Variants in WIPF2 observed in about 807,000 individuals in gnomAD.
WIPF2 encodes WAS/WASL-interacting protein family member 2.
Under a neutral mutation model 38.8 loss-of-function variants are expected in WIPF2, and 23 were observed. That is an observed-to-expected ratio of 0.59 (90% CI 0.43 to 0.84). WIPF2 has a LOEUF of 0.84. WIPF2 is among the 40% of genes least tolerant of loss of function. The pLI is 0.00. For missense variants in WIPF2, 574 were observed against 580.5 expected (o/e 0.99, Z 0.11); for synonymous variants, 210 against 223.2 (o/e 0.94, Z 0.53).
chr17:40,224,210 A>AT (rs748140162), intron 1 of WIPF2, among the ~76,000 whole-genome samples: 9 of 102,386 alleles, frequency 8.8e-5, no homozygotes, highest in Admixed American at 2.8e-4. Context: ...CAGCCTGCTT[A>AT]TTTTTTTTTT....
At chr17:40,274,931 C>CAAACAAAAAAAA (rs1555564783) in intron 6 of WIPF2, among the ~76,000 whole-genome samples, 1 of 45,580 alleles carries the variant, frequency 2.2e-5, no homozygotes, top group African/African-American at 8.4e-5. Context: ...GAATCTGTCT[C>CAAACAAAAAAAA]AAAAAAAAAA....
intron 2 of WIPF2, among the ~76,000 whole-genome samples, chr17:40,259,238 G>C (rs2031825848): frequency 6.6e-6 from 1 of 151,122 alleles, no homozygotes; most frequent in African/African-American, 2.4e-5. Context: ...GAGGGGATGT[G>C]GTAGCAGATG....
At chr17:40,250,377 C>T (rs2031519226) in intron 1 of WIPF2, among the ~76,000 whole-genome samples, 1 of 149,992 alleles carries the variant, frequency 6.7e-6, no homozygotes, top group Admixed American at 6.7e-5. Flanking sequence ...ACTACAGGTG[C>T]CCGCTGCCAT....
chr17:40,273,468 G>A lies in WIPF2; in HGVS notation c.971-322G>A, dbSNP rs1001656495. ...AAGAGACAAAGCAAGGAGAACATTC[G>A]GAAGGCTTTTGCAGTAGAGAACAGG... On this transcript the variant is annotated intron_variant, in intron 5 of 7. Coordinates refer to ENST00000323571, the MANE Select transcript of WIPF2 (RefSeq NM_133264.5). 7 of 271,430 alleles carry A rather than the reference G, an allele frequency of 2.6e-5. No homozygotes were observed. The East Asian group carries it at 5.0e-4, about 19-fold the overall frequency. The allele number at this position is 271,430 out of a possible 1,614,324, so 16.8% of individuals were successfully genotyped here.
Position 40,279,486 on chromosome 17 carries a change from C to G in WIPF2, c.*1261C>G, listed in dbSNP as rs1260038280. 1 of 152,676 alleles carries G rather than the reference C, an allele frequency of 6.5e-6. No individual in the cohort carries two copies. 9.5% of individuals were successfully genotyped at this position (152,676 alleles called of 1,614,324 possible). Reference sequence around the variant, plus strand: ...AGATACTCTTCTATGCCAGGAAGCACAAAGACTTTGTTGAGATTTGCCTCA... The same window carrying G: ...AGATACTCTTCTATGCCAGGAAGCAGAAAGACTTTGTTGAGATTTGCCTCA... On this transcript the variant is annotated 3_prime_UTR_variant, in exon 8 of 8. Coordinates refer to ENST00000323571, the MANE Select transcript of WIPF2 (RefSeq NM_133264.5).
intron 1 of WIPF2, among the ~76,000 whole-genome samples, chr17:40,254,283 T>A (rs2145357553): frequency 6.6e-6 from 1 of 152,202 alleles, no homozygotes; most frequent in African/African-American, 2.4e-5. Flanking sequence ...TCCCAAAGTG[T>A]TGGGATTACA....
intron 1 of WIPF2, among the ~76,000 whole-genome samples, chr17:40,250,545 G>C (rs746170652): frequency 6.6e-6 from 1 of 151,238 alleles, no homozygotes; most frequent in Non-Finnish European, 1.5e-5. Context: ...CACCACACCC[G>C]GCCTTTATCT....
intron 5 of WIPF2, among the ~76,000 whole-genome samples, chr17:40,267,458 G>A (rs2032122584): frequency 1.3e-5 from 2 of 152,166 alleles, no homozygotes; most frequent in African/African-American, 4.8e-5. Flanking sequence ...ATTGGACATG[G>A]GAATTTTGGC....
chr17:40,229,016 G>A (rs1289032783), intron 1 of WIPF2, among the ~76,000 whole-genome samples: 1 of 151,412 alleles, frequency 6.6e-6, no homozygotes, highest in African/African-American at 2.4e-5. Flanking sequence ...TGATTCTCTT[G>A]CCTTAGCCTC....
intron 1 of WIPF2, among the ~76,000 whole-genome samples, chr17:40,245,595 G>A (rs1194668116): frequency 6.6e-6 from 1 of 151,924 alleles, no homozygotes; most frequent in South Asian, 2.1e-4. Flanking sequence ...TACCCGCCTC[G>A]GCCTCCCAAA....
rs753320612 is a variant in WIPF2 at position 40,273,850 on chromosome 17, C to G, written c.1031C>G (p.Pro344Arg). 4 of 1,587,018 alleles carry G rather than the reference C, an allele frequency of 2.5e-6. No individual in the cohort carries two copies. Among genetic ancestry groups the G allele is most frequent in the African/African-American group, 1.4e-5 (1 of 73,900 alleles). The change falls in exon 6 of 8, where the codon CCA becomes CGA. Residue 344 changes from proline (P) to arginine (R), a missense_variant. Transcript: ENST00000323571. ...GCCAGGGATGCTCCCCCTCCCCCAC[C>G]ACCATACCGAATGCATGGGTCAGAA... is the stretch of plus-strand genomic sequence containing the variant. ...NGARDAPPPPPPYRMHGSEPP... is the reference protein window; with the variant it reads ...NGARDAPPPPRPYRMHGSEPP...
intron 1 of WIPF2, among the ~76,000 whole-genome samples, chr17:40,224,980 G>A (rs933726230): frequency 1.4e-4 from 21 of 151,906 alleles, no homozygotes; most frequent in African/African-American, 5.1e-4. Flanking sequence ...GCAGAGTTCC[G>A]GTTGACTGAC....
rs2032588790 is a variant in WIPF2 at position 40,283,157 on chromosome 17, A to G, written c.*4932A>G. 2 of 112,498 alleles carry G rather than the reference A, an allele frequency of 1.8e-5. No individual in the cohort carries two copies. The highest frequency in any genetic ancestry group is 8.1e-5 in the African/African-American group (2 of 24,782). The allele number at this position is 112,498 out of a possible 1,614,324, so 7.0% of individuals were successfully genotyped here. On this transcript the variant is annotated 3_prime_UTR_variant, in exon 8 of 8. Coordinates refer to ENST00000323571, the MANE Select transcript of WIPF2 (RefSeq NM_133264.5). ...GCTGAGATCATGCCACTGCACTAAA[A>G]AAAAAAAAAAAAAAAAAAAAAAAAA...
At chr17:40,246,363 G>A (rs1223631115) in intron 1 of WIPF2, among the ~76,000 whole-genome samples, 1 of 150,970 alleles carries the variant, frequency 6.6e-6, no homozygotes, top group Non-Finnish European at 1.5e-5. Flanking sequence ...TGGGATTACA[G>A]GCGTGAGCCA....
chr17:40,269,896 C>T (rs1292794255), intron 5 of WIPF2, among the ~76,000 whole-genome samples: 7 of 151,652 alleles, frequency 4.6e-5, no homozygotes, highest in African/African-American at 9.7e-5. Flanking sequence ...TGAGCCACTG[C>T]ACCCGCCAAC....
chr17:40,274,120 T>G, intron 6 of WIPF2, 121 bp downstream of exon 6: 5 of 771,584 alleles, frequency 6.5e-6, no homozygotes, highest in Non-Finnish European at 1.0e-5. Context: ...TTGTTCACAA[T>G]AGTTCTCCTG....
intron 1 of WIPF2, among the ~76,000 whole-genome samples, chr17:40,243,651 T>C (rs1475748551): frequency 6.6e-6 from 1 of 151,902 alleles, no homozygotes; most frequent in East Asian, 1.9e-4. Context: ...GTAGCTGGGA[T>C]TACAGGCATA....
chr17:40,242,425 G>A (rs371719460), intron 1 of WIPF2, among the ~76,000 whole-genome samples: 1 of 151,970 alleles, frequency 6.6e-6, no homozygotes, highest in East Asian at 1.9e-4. Context: ...TTGTTGGTTT[G>A]TTTTTTGAGA....
chr17:40,260,661 C>T lies in WIPF2; in HGVS notation c.190C>T (p.Leu64Phe). The change falls in exon 3 of 8, where the codon CTC becomes TTC. Residue 64 changes from leucine (L) to phenylalanine (F), a missense_variant. Physicochemically the swap from Leu to Phe is conservative, Grantham distance 22. Coordinates refer to ENST00000323571, the MANE Select transcript of WIPF2 (RefSeq NM_133264.5). The stretch of plus-strand genomic sequence containing the variant: ...CATTAATGATCGGAGTGCTCCCATC[C>T]TCGAGAGTGAGTCCGAGCTTCATTT... ...TNINDRSAPI[L>F]EKPKGSSGGY... is the part of the protein sequence containing the mutation. The T allele has an allele frequency of 6.2e-7, 1 of 1,613,778 alleles. No individual in the cohort carries two copies. Among genetic ancestry groups the T allele is most frequent in the African/African-American group, 1.3e-5 (1 of 74,948 alleles).
Sources: allele counts gnomAD v4.1 joint callset (sites outside exome capture counted in the v4.1 genomes callset), GRCh38; gene constraint gnomAD v4.1.1; transcripts MANE v1.5; gene names NCBI Gene and HGNC (gene_info 2026-07-23, HGNC 2026-07-21).